NLGN1: variants seen among roughly 807,000 people sequenced by gnomAD.
NLGN1 encodes neuroligin 1.
In NLGN1, 12 loss-of-function variants were observed where a neutral mutation model predicts 65.5. The observed-to-expected ratio is 0.18, with a 90% CI of 0.12 to 0.30. NLGN1 has a LOEUF of 0.30. NLGN1 is among the 10% of genes least tolerant of loss of function. The pLI is 1.00. For missense variants in NLGN1, 750 were observed against 1,007.1 expected (o/e 0.74, Z 3.46); for synonymous variants, 350 against 359.5 (o/e 0.97, Z 0.30).
chr3:174,135,794 A>G (rs1721101960), intron 4 of NLGN1, among the ~76,000 whole-genome samples: 1 of 152,188 alleles, frequency 6.6e-6, no homozygotes, highest in Non-Finnish European at 1.5e-5. Context: ...ATCAAGAACT[A>G]TCTTGACTAA....
At chr3:173,968,624 T>C (rs907914232) in intron 4 of NLGN1, among the ~76,000 whole-genome samples, 1 of 150,790 alleles carries the variant, frequency 6.6e-6, no homozygotes, top group African/African-American at 2.4e-5. Flanking sequence ...TTCTGGAAAA[T>C]TATCACAGAA....
At chr3:174,191,152 C>G (rs1021787340) in intron 4 of NLGN1, among the ~76,000 whole-genome samples, 1 of 152,006 alleles carries the variant, frequency 6.6e-6, no homozygotes, top group East Asian at 1.9e-4. Context: ...TAGGCCCATT[C>G]GAGGATCAAG....
intron 4 of NLGN1, among the ~76,000 whole-genome samples, chr3:174,093,513 G>T (rs1744918338): frequency 6.6e-6 from 1 of 152,182 alleles, no homozygotes; most frequent in Admixed American, 6.6e-5. Flanking sequence ...ACAGTAGTTT[G>T]TCTCTCTGAA....
chr3:173,701,484 G>C (rs1767157281), intron 3 of NLGN1, among the ~76,000 whole-genome samples: 1 of 152,078 alleles, frequency 6.6e-6, no homozygotes, highest in African/African-American at 2.4e-5. Flanking sequence ...TTCTTATAGA[G>C]CCTCCAGAAA....
At chr3:173,519,728 C>T (rs9822046) in intron 2 of NLGN1, among the ~76,000 whole-genome samples, 15,499 of 150,540 alleles carry the variant, frequency 0.1, 1,395 homozygotes, top group African/African-American at 0.25. Context: ...TTTTATTTTA[C>T]ACCCTTTTAA....
At chr3:173,513,339 G>T (rs941263823) in intron 2 of NLGN1, among the ~76,000 whole-genome samples, 1 of 152,108 alleles carries the variant, frequency 6.6e-6, no homozygotes, top group Admixed American at 6.5e-5. Flanking sequence ...TTTGGAACAA[G>T]TCTCACTTTC....
intron 4 of NLGN1, among the ~76,000 whole-genome samples, chr3:174,235,578 G>A (rs1055171141): frequency 2.6e-5 from 4 of 152,066 alleles, no homozygotes; most frequent in Non-Finnish European, 5.9e-5. Flanking sequence ...CTAAGACATA[G>A]AAAAAGTAAA....
chr3:173,870,359 T>C (rs1730945245), intron 4 of NLGN1, among the ~76,000 whole-genome samples: 1 of 152,194 alleles, frequency 6.6e-6, no homozygotes, highest in African/African-American at 2.4e-5. Flanking sequence ...CCCTAGATGG[T>C]GCTTAATGAC....
At chr3:174,200,916 A>T (rs950584066) in intron 4 of NLGN1, among the ~76,000 whole-genome samples, 2 of 152,138 alleles carry the variant, frequency 1.3e-5, no homozygotes, top group Non-Finnish European at 2.9e-5. Context: ...TCCACAGACT[A>T]TACAAGTGTG....
At chr3:173,398,225 C>T (rs940081783), upstream of NLGN1, among the ~76,000 whole-genome samples, 6 of 152,304 alleles carry the variant, frequency 3.9e-5, no homozygotes, top group African/African-American at 1.4e-4. Context: ...CTGCTCTCCC[C>T]AGGCCCTCCG....
At chr3:174,039,542 A>G (rs1266607167) in intron 4 of NLGN1, among the ~76,000 whole-genome samples, 1 of 152,092 alleles carries the variant, frequency 6.6e-6, no homozygotes, top group Non-Finnish European at 1.5e-5. Flanking sequence ...TATTTCCAAA[A>G]TGTTTTCATT....
chr3:173,631,663 G>A (rs1755707416), intron 3 of NLGN1, among the ~76,000 whole-genome samples: 1 of 152,114 alleles, frequency 6.6e-6, no homozygotes, highest in Non-Finnish European at 1.5e-5. Flanking sequence ...CCATGGTTAC[G>A]AGAGTAAATC....
intron 3 of NLGN1, among the ~76,000 whole-genome samples, chr3:173,805,253 C>G (rs1157354636): frequency 6.6e-6 from 1 of 152,052 alleles, no homozygotes; most frequent in Non-Finnish European, 1.5e-5. Flanking sequence ...ACCTAAATCT[C>G]AGGGTTACTT....
intron 4 of NLGN1, among the ~76,000 whole-genome samples, chr3:174,084,433 A>G (rs1422452031): frequency 1.3e-5 from 2 of 152,276 alleles, no homozygotes; most frequent in East Asian, 3.9e-4. Context: ...AAAAAATAAG[A>G]CTTTCTGCTC....
At chr3:173,470,246 T>C (rs2148923337) in intron 2 of NLGN1, among the ~76,000 whole-genome samples, 1 of 152,238 alleles carries the variant, frequency 6.6e-6, no homozygotes, top group Admixed American at 6.5e-5. Context: ...TTTTTAAACA[T>C]CCTGTCTTGC....
intron 4 of NLGN1, among the ~76,000 whole-genome samples, chr3:173,872,474 C>G (rs780763592): frequency 6.6e-6 from 1 of 152,076 alleles, no homozygotes; most frequent in African/African-American, 2.4e-5. Context: ...TTCCAATGAT[C>G]TTGACAAAAC....
intron 4 of NLGN1, among the ~76,000 whole-genome samples, chr3:173,853,557 A>G (rs931527905): frequency 2.6e-5 from 4 of 152,154 alleles, no homozygotes; most frequent in African/African-American, 7.2e-5. Context: ...AGGAAATTGT[A>G]TATTTATAAT....
intron 2 of NLGN1, among the ~76,000 whole-genome samples, chr3:173,564,968 A>G (rs141973227): frequency 2.0e-3 from 310 of 152,260 alleles, no homozygotes; most frequent in African/African-American, 7.3e-3. Context: ...CAAAACTCCT[A>G]TCTTCTGGGA....
At chr3:173,403,375 C>CA (rs1313933830) in intron 1 of NLGN1, among the ~76,000 whole-genome samples, 9 of 152,096 alleles carry the variant, frequency 5.9e-5, no homozygotes, top group Admixed American at 1.3e-4. Flanking sequence ...GTATCCTCAT[C>CA]TATGTTTGTC....
Sources: gnomAD v4.1 joint callset for allele counts (sites outside exome capture counted in the v4.1 genomes callset) on GRCh38, gnomAD v4.1.1 for gene constraint, MANE v1.5 for transcripts, NCBI Gene and HGNC (gene_info 2026-07-23, HGNC 2026-07-21) for gene names.